Variants in ZMYM1 observed in about 807,000 individuals in gnomAD.
ZMYM1 encodes zinc finger MYM-type containing 1.
In ZMYM1, 39 loss-of-function variants were observed where a neutral mutation model predicts 60.0. That is an observed-to-expected ratio of 0.65 (90% CI 0.50 to 0.85). The LOEUF is 0.85. ZMYM1 is among the 40% of genes least tolerant of loss of function. ZMYM1 has a pLI of 0.00. For synonymous variants in ZMYM1, 413 were observed against 454.0 expected, an observed-to-expected ratio of 0.91 and a Z score of 1.15; for missense variants, 1,171 against 1,309.5, an observed-to-expected ratio of 0.89 and a Z score of 1.63.
intron 3 of ZMYM1, among the ~76,000 whole-genome samples, chr1:35,096,472 A>T (rs906240282): frequency 2.0e-5 from 3 of 151,846 alleles, no homozygotes; most frequent in Non-Finnish European, 4.4e-5. Flanking sequence ...CAGAAAATTT[A>T]AAAACCAGGT....
chr1:35,078,089 A>T (rs1642200722), upstream of ZMYM1, among the ~76,000 whole-genome samples: 1 of 152,182 alleles, frequency 6.6e-6, no homozygotes, highest in Admixed American at 6.6e-5. Flanking sequence ...GCATTAGAGG[A>T]GAGATCATTT....
At chr1:35,091,493 G>T (rs528294499) in intron 1 of ZMYM1, among the ~76,000 whole-genome samples, 1 of 152,002 alleles carries the variant, frequency 6.6e-6, no homozygotes, top group African/African-American at 2.4e-5. Flanking sequence ...GATTACAGGC[G>T]TGAGCCACTG....
chr1:35,102,360 C>A (rs576099520), intron 4 of ZMYM1, among the ~76,000 whole-genome samples: 1 of 152,232 alleles, frequency 6.6e-6, no homozygotes, highest in South Asian at 2.1e-4. Context: ...ATCTTTTACC[C>A]GTGAATGATT....
At chr1:35,084,453 G>A (rs1427890669) in intron 1 of ZMYM1, among the ~76,000 whole-genome samples, 4 of 152,208 alleles carry the variant, frequency 2.6e-5, no homozygotes, top group East Asian at 1.9e-4. Context: ...CATTAGGCAC[G>A]TGGATAGTAG....
intron 1 of ZMYM1, among the ~76,000 whole-genome samples, chr1:35,090,501 G>A (rs1171969314): frequency 2.6e-5 from 4 of 152,076 alleles, no homozygotes; most frequent in African/African-American, 7.2e-5. Context: ...AAAACTGCAC[G>A]TTCTGCACAT....
At chr1:35,084,084 T>G (rs1205069717) in intron 1 of ZMYM1, among the ~76,000 whole-genome samples, 3 of 152,228 alleles carry the variant, frequency 2.0e-5, no homozygotes, top group Non-Finnish European at 4.4e-5. Flanking sequence ...TGTGCATCAG[T>G]GTACCTTCTA....
At chr1:35,088,434 G>GTATGTATA (rs1553139263) in intron 1 of ZMYM1, among the ~76,000 whole-genome samples, 1 of 68,032 alleles carries the variant, frequency 1.5e-5, no homozygotes, top group East Asian at 3.1e-4. Flanking sequence ...GTGTTTATGT[G>GTATGTATA]TATATATATA....
upstream of ZMYM1, among the ~76,000 whole-genome samples, chr1:35,077,959 C>T (rs1181534142): frequency 6.6e-6 from 1 of 152,172 alleles, no homozygotes; most frequent in African/African-American, 2.4e-5. Context: ...CCTTTGGATG[C>T]CCACTGAACC....
chr1:35,106,745 G>A (rs1450263509), intron 6 of ZMYM1, among the ~76,000 whole-genome samples: 1 of 152,030 alleles, frequency 6.6e-6, no homozygotes, highest in East Asian at 1.9e-4. Context: ...AGAACGGAAA[G>A]CACAGAAGAC....
chr1:35,116,861 T>TTTG (rs1491427155), downstream of ZMYM1, among the ~76,000 whole-genome samples: 3 of 145,688 alleles, frequency 2.1e-5, no homozygotes, highest in South Asian at 2.2e-4. Context: ...TTTTTTTTTT[T>TTTG]GAGACGGAGT....
intron 1 of ZMYM1, among the ~76,000 whole-genome samples, chr1:35,090,903 G>A (rs1453195421): frequency 4.6e-5 from 7 of 151,698 alleles, no homozygotes; most frequent in African/African-American, 1.7e-4. Context: ...CTGAGATCGC[G>A]CCATTGCACT....
At chr1:35,116,504 C>A (rs1644249758), downstream of ZMYM1, among the ~76,000 whole-genome samples, 1 of 152,204 alleles carries the variant, frequency 6.6e-6, no homozygotes, top group South Asian at 2.1e-4. Context: ...GTTGCCCAGA[C>A]TGGAGTGCAA....
At chr1:35,093,201 A>G (rs76388988) in intron 1 of ZMYM1, 1,970 of 152,538 alleles carry the variant, frequency 0.013, 29 homozygotes, top group African/African-American at 0.03. Context: ...GGGAAGAGGA[A>G]CTGAAGAAGC....
At chr1:35,106,152 G>A (rs1643883648) in intron 6 of ZMYM1, among the ~76,000 whole-genome samples, 2 of 152,148 alleles carry the variant, frequency 1.3e-5, no homozygotes, top group South Asian at 4.1e-4. Flanking sequence ...AAATAATCCA[G>A]TGAGATTAGT....
In ZMYM1 at chr1:35,115,834, A is replaced by G. The variant is rs1388554070; in HGVS notation, c.*575A>G. ...CCACCCACAATGCATGAGAGTGCCT[A>G]TTAAATCTTTGTAAGTGTTATCAAA... On this transcript the variant is annotated 3_prime_UTR_variant, in exon 10 of 10. Transcript: ENST00000359858. 6.6e-6 allele frequency: 1 copy of G among 151,784 alleles called. No homozygotes were observed. Among genetic ancestry groups the G allele is most frequent in the South Asian group, 2.1e-4 (1 of 4,832 alleles). The allele number at this position is 151,784 out of a possible 1,614,324, so 9.4% of individuals were successfully genotyped here.
intron 1 of ZMYM1, among the ~76,000 whole-genome samples, chr1:35,085,290 A>G (rs1569883005): frequency 6.6e-6 from 1 of 151,716 alleles, no homozygotes; most frequent in African/African-American, 2.4e-5. Flanking sequence ...CTTGTGATCC[A>G]CCCGCCTCGG....
intron 1 of ZMYM1, among the ~76,000 whole-genome samples, chr1:35,060,866 G>A (rs1398527501): frequency 1.3e-5 from 2 of 152,174 alleles, no homozygotes; most frequent in Non-Finnish European, 2.9e-5. Context: ...GAAGGAGACT[G>A]GCCCTGGTGC....
At chr1:35,064,756 G>A (rs1316627089) in intron 1 of ZMYM1, among the ~76,000 whole-genome samples, 2 of 142,968 alleles carry the variant, frequency 1.4e-5, no homozygotes, top group African/African-American at 2.6e-5. Context: ...GCGTGATCTC[G>A]GCTCACTGCA....
rs765893114 is a variant in ZMYM1, at chr1:35,113,444, C to G, written c.1614C>G (p.Asp538Glu). Reference protein sequence around the residue: ...EYQFCDGAVSDDLSIHSKQIE... With the variant: ...EYQFCDGAVSEDLSIHSKQIE... ...AATTTTGTGATGGAGCTGTCAGTGA[C>G]GATTTATCTATTCATTCGAAACAGA... The change falls in exon 10 of 10, where the codon GAC becomes GAG. Residue 538 changes from aspartate (D) to glutamate (E), a missense_variant. Asp to Glu is a conservative substitution (Grantham distance 45). Coordinates refer to ENST00000359858, the MANE Select transcript of ZMYM1 (RefSeq NM_024772.5). 6.2e-7 allele frequency: 1 copy of G among 1,613,460 alleles called. No individual in the cohort carries two copies. The highest frequency in any genetic ancestry group is 1.3e-5 in the African/African-American group (1 of 74,844).
Sources: gnomAD v4.1 joint callset for allele counts (sites outside exome capture counted in the v4.1 genomes callset) on GRCh38, gnomAD v4.1.1 for gene constraint, MANE v1.5 for transcripts, NCBI Gene and HGNC (gene_info 2026-07-23, HGNC 2026-07-21) for gene names.